The following UTRN variants were observed in gnomAD, a reference collection of about 807,000 sequenced individuals.
The protein encoded by UTRN is utrophin.
UTRN carries 283 observed loss-of-function variants against 463.9 expected under a neutral mutation model. That is an observed-to-expected ratio of 0.61 (90% CI 0.55 to 0.67). The LOEUF is 0.67. UTRN is among the 30% of genes least tolerant of loss of function. The pLI is 0.00. For synonymous variants in UTRN, 1,442 were observed against 1,431.5 expected, an observed-to-expected ratio of 1.01 and a Z score of -0.17; for missense variants, 3,922 against 4,084.3, an observed-to-expected ratio of 0.96 and a Z score of 1.08.
At position 144,348,340 on chromosome 6, in the gene UTRN, A is replaced by C. The variant is rs185757976; in HGVS notation, c.80-54783A>C. 2.7e-3 allele frequency among the ~76,000 whole-genome samples: 411 copies of C among 152,258 alleles called. 2 individuals are homozygous for C. The highest frequency in any genetic ancestry group is 9.0e-3 in the African/African-American group (372 of 41,552). ...AGGACCTGGAAAGGATGGTGTGTGA[A>C]GTGAATGCTAGGTTTGCTGGTGGCT... On this transcript the variant is annotated intron_variant, in intron 2 of 74. Coordinates refer to ENST00000367545, the MANE Select transcript of UTRN (RefSeq NM_007124.3).
chr6:144,827,078 G>A (rs1338129465), intron 66 of UTRN, among the ~76,000 whole-genome samples: 5 of 151,942 alleles, frequency 3.3e-5, no homozygotes, highest in Non-Finnish European at 7.4e-5. Flanking sequence ...TTTTTCCCCA[G>A]TATGACTGTT....
intron 54 of UTRN, among the ~76,000 whole-genome samples, chr6:144,741,503 G>A (rs574490769): frequency 6.6e-6 from 1 of 152,260 alleles, no homozygotes; most frequent in South Asian, 2.1e-4. Context: ...GGGTGTTCTA[G>A]ATACTCGGGA....
chr6:144,464,744 C>T (rs1789759698), intron 23 of UTRN, among the ~76,000 whole-genome samples: 1 of 152,150 alleles, frequency 6.6e-6, no homozygotes, highest in Non-Finnish European at 1.5e-5. Context: ...AGGTGATCCA[C>T]CCTCCTCGGC....
At chr6:144,745,017 C>T (rs542379878) in intron 54 of UTRN, among the ~76,000 whole-genome samples, 1 of 152,268 alleles carries the variant, frequency 6.6e-6, no homozygotes, top group South Asian at 2.1e-4. Context: ...CCAGACCTTA[C>T]GCTGACCAGG....
At chr6:144,522,586 G>A (rs140951182) in intron 40 of UTRN, among the ~76,000 whole-genome samples, 236 of 152,184 alleles carry the variant, frequency 1.6e-3, no homozygotes, top group African/African-American at 5.3e-3. Context: ...TTCTAGCAAG[G>A]CATTTTCATG....
chr6:144,350,255 C>CAAA (rs1777996440), intron 2 of UTRN, among the ~76,000 whole-genome samples: 7 of 141,868 alleles, frequency 4.9e-5, no homozygotes, highest in African/African-American at 1.7e-4. Context: ...AGACTGTTTT[C>CAAA]TAAAAAAAAA....
At chr6:144,350,542 T>C (rs1257500564) in intron 2 of UTRN, among the ~76,000 whole-genome samples, 3 of 152,248 alleles carry the variant, frequency 2.0e-5, no homozygotes, top group Non-Finnish European at 2.9e-5. Context: ...ATGCTTTTAC[T>C]GTTAAATCGT....
chr6:144,708,849 G>C (rs1192623581), intron 53 of UTRN, among the ~76,000 whole-genome samples: 1 of 152,134 alleles, frequency 6.6e-6, no homozygotes, highest in Non-Finnish European at 1.5e-5. Flanking sequence ...CCAGAGGCGG[G>C]GAAGTTCAAA....
intron 3 of UTRN, among the ~76,000 whole-genome samples, chr6:144,404,640 G>A (rs2114800923): frequency 6.6e-6 from 1 of 152,312 alleles, no homozygotes; most frequent in South Asian, 2.1e-4. Flanking sequence ...AACTAATTTT[G>A]AAGATTGTTT....
At chr6:144,413,241 A>G (rs2114823833) in intron 3 of UTRN, among the ~76,000 whole-genome samples, 1 of 152,338 alleles carries the variant, frequency 6.6e-6, no homozygotes, top group South Asian at 2.1e-4. Flanking sequence ...AAGCTGAAAA[A>G]TTCCCATAGC....
At chr6:144,752,019 A>G (rs1791454063) in intron 56 of UTRN, 67 bp downstream of exon 56, 5 of 1,381,800 alleles carry the variant, frequency 3.6e-6, no homozygotes, top group South Asian at 1.8e-5. Context: ...CTACCTCACT[A>G]TATTACCACT....
chr6:144,493,122 A>C (rs557765274), intron 32 of UTRN, among the ~76,000 whole-genome samples, 179 bp from the exon 33 acceptor site: 4 of 152,240 alleles, frequency 2.6e-5, no homozygotes, highest in African/African-American at 7.2e-5. Flanking sequence ...TGAAGAAGTT[A>C]TTACAAGCTT....
intron 53 of UTRN, among the ~76,000 whole-genome samples, chr6:144,700,617 G>C (rs1221068055): frequency 1.3e-5 from 2 of 152,044 alleles, no homozygotes; most frequent in Non-Finnish European, 2.9e-5. Context: ...GCCCAGGCTG[G>C]AGTACAATGG....
chr6:144,461,114 G>A, intron 21 of UTRN, 83 bp from the exon 22 acceptor site: 2 of 1,189,598 alleles, frequency 1.7e-6, no homozygotes, highest in East Asian at 2.7e-5. Context: ...GCCATGTATT[G>A]GAATTCATTT....
Position 144,548,755 on chromosome 6 carries a change from A to G in UTRN, c.6711A>G (p.Glu2237=). Residue 2237 remains glutamate (E), a synonymous_variant, in exon 47 of 75, where the codon GAA becomes GAG. Transcript: ENST00000367545. ...CTGATCTTGATAAAACTATAACAGA[A>G]CTAGCCGACTGGCTGGTATTAATCG... ...IPADLDKTIT[E]LADWLVLIDQ... 6.2e-7 allele frequency: 1 copy of G among 1,614,066 alleles called. No homozygotes were observed. The highest frequency in any genetic ancestry group is 8.5e-7 in the Non-Finnish European group (1 of 1,179,964).
Position 144,583,127 on chromosome 6 carries a change from T to C in UTRN, c.7479+5839T>C, listed in dbSNP as rs1802133861. ...TCCCAGGGGATGTCCGCTTTCTATC[T>C]GCAGCTTTAATGTTTCACTTAATAT... is the stretch of plus-strand genomic sequence containing the variant. On this transcript the variant is annotated intron_variant, in intron 51 of 74. Transcript: ENST00000367545. 2.2e-5 allele frequency: 4 copies of C among 184,952 alleles called. No individual in the cohort carries two copies. In the South Asian group the frequency reaches 7.1e-4, roughly 33 times the overall value. The allele number at this position is 184,952 out of a possible 1,614,324, so 11.5% of individuals were successfully genotyped here. A position where few individuals can be genotyped will look rare whatever the true frequency, so the allele number is the denominator to read the frequency against.
chr6:144,304,866 G>A (rs1410561109), intron 2 of UTRN, among the ~76,000 whole-genome samples: 2 of 151,482 alleles, frequency 1.3e-5, no homozygotes, highest in African/African-American at 4.8e-5. Context: ...CTAAAAAAAT[G>A]TACAGGAAAT....
At chr6:144,592,347 C>T (rs559218969) in intron 51 of UTRN, among the ~76,000 whole-genome samples, 10 of 151,922 alleles carry the variant, frequency 6.6e-5, no homozygotes, top group African/African-American at 1.9e-4. Flanking sequence ...AGGACCAGAA[C>T]AATGAAAAGC....
chr6:144,433,944 A>G (rs371753875), intron 9 of UTRN, among the ~76,000 whole-genome samples: 2 of 150,930 alleles, frequency 1.3e-5, no homozygotes, highest in African/African-American at 4.9e-5. Context: ...ACGGGGTGGC[A>G]GCCGGGCAGA....
Sources: allele counts gnomAD v4.1 joint callset (sites outside exome capture counted in the v4.1 genomes callset), GRCh38; gene constraint gnomAD v4.1.1; transcripts MANE v1.5; gene names NCBI Gene and HGNC (gene_info 2026-07-23, HGNC 2026-07-21).